The following SH3PXD2B variants were observed in gnomAD, a reference collection of about 807,000 sequenced individuals.
The protein encoded by SH3PXD2B is SH3 and PX domain-containing protein 2B.
Under a neutral mutation model 73.1 loss-of-function variants are expected in SH3PXD2B, and 37 were observed. The observed-to-expected ratio is 0.51, with a 90% CI of 0.39 to 0.67. The LOEUF is 0.67. SH3PXD2B is among the 30% of genes least tolerant of loss of function. The pLI, the probability that SH3PXD2B is intolerant of heterozygous loss-of-function variation, is 0.00. For missense variants in SH3PXD2B, 1,053 were observed against 1,197.8 expected (o/e 0.88, Z 1.78); for synonymous variants, 457 against 480.5 (o/e 0.95, Z 0.64).
At chr5:172,371,884 T>TA (rs1757714047) in intron 6 of SH3PXD2B, among the ~76,000 whole-genome samples, 2 of 152,240 alleles carry the variant, frequency 1.3e-5, no homozygotes, top group Non-Finnish European at 2.9e-5. Context: ...TCTCTGCTCT[T>TA]TTCTGAGAAA....
chr5:172,346,055 A>C lies in SH3PXD2B; in HGVS notation c.1188+81T>G, dbSNP rs79509336. Reference sequence around the variant, plus strand: ...CCCACCTCCACCCACCCAGTGAAGTAGGAGGTGACAGGGGAGAAGTAGGAG... The same window carrying C: ...CCCACCTCCACCCACCCAGTGAAGTCGGAGGTGACAGGGGAGAAGTAGGAG... On this transcript the variant is annotated intron_variant, in intron 12 of 12. Transcript: ENST00000311601. 3,975 of 1,591,420 alleles carry C rather than the reference A, an allele frequency of 2.5e-3. 84 individuals are homozygous for C. The African/African-American group carries it at 0.047, about 19-fold the overall frequency.
intron 2 of SH3PXD2B, among the ~76,000 whole-genome samples, chr5:172,415,875 A>T (rs986457041): frequency 3.3e-5 from 5 of 152,220 alleles, no homozygotes; most frequent in African/African-American, 1.2e-4. Context: ...ACCCGACACC[A>T]GGTATTCTTA....
At chr5:172,373,018 T>C (rs1039714252) in intron 6 of SH3PXD2B, among the ~76,000 whole-genome samples, 1 of 152,226 alleles carries the variant, frequency 6.6e-6, no homozygotes, top group African/African-American at 2.4e-5. Flanking sequence ...GCATACGCAA[T>C]TTCCCACCTT....
chr5:172,415,386 G>A, intron 2 of SH3PXD2B, among the ~76,000 whole-genome samples: 1 of 152,166 alleles, frequency 6.6e-6, no homozygotes, highest in Non-Finnish European at 1.5e-5. Flanking sequence ...ACTCTATGTG[G>A]GTAAATCTAT....
At chr5:172,419,443 T>A (rs1396382061) in intron 2 of SH3PXD2B, among the ~76,000 whole-genome samples, 2 of 152,202 alleles carry the variant, frequency 1.3e-5, no homozygotes, top group East Asian at 3.8e-4. Flanking sequence ...AGATTCTCCC[T>A]TCTGGAGACT....
intron 6 of SH3PXD2B, among the ~76,000 whole-genome samples, chr5:172,373,066 T>C (rs998596243): frequency 6.6e-6 from 1 of 152,248 alleles, no homozygotes; most frequent in African/African-American, 2.4e-5. Context: ...AAGAGTTGTG[T>C]CATCCAGGAA....
downstream of SH3PXD2B, among the ~76,000 whole-genome samples, chr5:172,331,614 G>C (rs962157490): frequency 6.6e-6 from 1 of 152,182 alleles, no homozygotes; most frequent in South Asian, 2.1e-4. Flanking sequence ...GTGTTTGCAG[G>C]TATGAGAGGG....
In SH3PXD2B at chr5:172,339,431, G is replaced by T; in HGVS notation, c.1674C>A (p.Gly558=). The change falls in exon 13 of 13, where the codon GGC becomes GGA. Residue 558 remains glycine, a synonymous_variant. Coordinates refer to ENST00000311601, the MANE Select transcript of SH3PXD2B (RefSeq NM_001017995.3). The surrounding 1 kb of genome is among the most constrained non-coding windows in gnomAD (Gnocchi z 6.1). ...TGGCTGGCATCATCGGCAAAATCAC[G>T]CCCGGAGGCTTGGGAGTGGGGCCCC... ...QLRGPTPKPP[G]VILPMMPAKH... is the part of the protein sequence containing the mutation. 1.2e-6 allele frequency: 2 copies of T among 1,614,146 alleles called. No homozygotes were observed. Among genetic ancestry groups the T allele is most frequent in the Non-Finnish European group, 1.7e-6 (2 of 1,180,012 alleles).
intron 4 of SH3PXD2B, among the ~76,000 whole-genome samples, chr5:172,389,003 T>A (rs1189791319): frequency 6.6e-6 from 1 of 152,150 alleles, no homozygotes; most frequent in East Asian, 1.9e-4. Flanking sequence ...TGGGTTTATC[T>A]GGCTCTAAGA....
chr5:172,374,284 G>A (rs1757774945), intron 5 of SH3PXD2B, among the ~76,000 whole-genome samples: 1 of 152,202 alleles, frequency 6.6e-6, no homozygotes. Flanking sequence ...TGAACACAGT[G>A]CACCTCCCAA....
chr5:172,377,882 C>G (rs1308492307), intron 5 of SH3PXD2B, among the ~76,000 whole-genome samples: 1 of 152,182 alleles, frequency 6.6e-6, no homozygotes, highest in Non-Finnish European at 1.5e-5. Context: ...CCCACATGTT[C>G]ACACAGCTTT....
chr5:172,346,374 G>A, intron 11 of SH3PXD2B, 113 bp from the exon 12 acceptor site: 1 of 1,521,490 alleles, frequency 6.6e-7, no homozygotes, highest in Non-Finnish European at 9.0e-7. Flanking sequence ...GGGTGCTGGG[G>A]ACCTAGTTGG....
At chr5:172,341,682 G>A (rs1031017462) in intron 12 of SH3PXD2B, among the ~76,000 whole-genome samples, 1 of 152,210 alleles carries the variant, frequency 6.6e-6, no homozygotes, top group East Asian at 1.9e-4. Flanking sequence ...ACAGAGTCTC[G>A]CTCTGTTGCC....
chr5:172,348,664 T>C (rs1157139415), intron 10 of SH3PXD2B, among the ~76,000 whole-genome samples: 3 of 39,770 alleles, frequency 7.5e-5, no homozygotes, highest in African/African-American at 2.3e-4. Context: ...CCTATCTATC[T>C]ATCTATCTAT....
intron 8 of SH3PXD2B, chr5:172,356,921 G>A (rs1757290825): frequency 6.6e-6 from 1 of 152,250 alleles, no homozygotes; most frequent in Non-Finnish European, 1.5e-5. Flanking sequence ...AGGCATCTTA[G>A]GGAGACCAAG....
intron 6 of SH3PXD2B, among the ~76,000 whole-genome samples, chr5:172,370,376 C>G (rs540620451): frequency 1.3e-5 from 2 of 152,318 alleles, no homozygotes; most frequent in South Asian, 4.1e-4. Flanking sequence ...GGCGTTTCTG[C>G]ACTAACCCTC....
At position 172,386,763 on chromosome 5, in the gene SH3PXD2B, G is replaced by A. The variant is rs374276211; in HGVS notation, c.310-4636C>T. On this transcript the variant is annotated intron_variant, in intron 4 of 12. Transcript: ENST00000311601. ...CCACCTCAGCCTCCTGAGTAGCTGG[G>A]GTTACAGGCGTGCACCACCACGCCT... Among the ~76,000 whole-genome samples the A allele has an allele frequency of 7.2e-5, 11 of 152,210 alleles. No homozygotes were observed. The East Asian group carries it at 7.7e-4, about 11-fold the overall frequency.
intron 12 of SH3PXD2B, among the ~76,000 whole-genome samples, chr5:172,342,998 C>T (rs1451146720): frequency 6.6e-6 from 1 of 152,206 alleles, no homozygotes; most frequent in African/African-American, 2.4e-5. Flanking sequence ...TTCCACATCA[C>T]AGAAGGAAAA....
intron 1 of SH3PXD2B, among the ~76,000 whole-genome samples, chr5:172,449,936 C>T (rs1759756427): frequency 6.6e-6 from 1 of 152,196 alleles, no homozygotes; most frequent in Admixed American, 6.5e-5. Flanking sequence ...CTGGAGCTAG[C>T]TGGATCGACA....
Sources: gnomAD v4.1 joint callset for allele counts (sites outside exome capture counted in the v4.1 genomes callset) on GRCh38, gnomAD v4.1.1 for gene constraint, Gnocchi (gnomAD v3.1) non-coding constraint, MANE v1.5 for transcripts, NCBI Gene and HGNC (gene_info 2026-07-23, HGNC 2026-07-21) for gene names.